ZNF143: variants seen among roughly 807,000 people sequenced by gnomAD.
ZNF143 encodes SPH-binding factor.
Under a neutral mutation model 74.1 loss-of-function variants are expected in ZNF143, and 49 were observed. The observed-to-expected ratio is 0.66, with a 90% CI of 0.53 to 0.84. ZNF143 has a LOEUF of 0.84. ZNF143 is among the 40% of genes least tolerant of loss of function. ZNF143 has a pLI of 0.00. For synonymous variants in ZNF143, 304 were observed against 282.8 expected, an observed-to-expected ratio of 1.07 and a Z score of -0.75; for missense variants, 637 against 793.4, an observed-to-expected ratio of 0.80 and a Z score of 2.37.
intron 7 of ZNF143, among the ~76,000 whole-genome samples, chr11:9,481,843 G>T (rs1475867110): frequency 1.4e-5 from 2 of 145,614 alleles, no homozygotes; most frequent in Non-Finnish European, 3.0e-5. Context: ...AGCCAAGATT[G>T]TGCCACTGCA....
Position 9,482,390 on chromosome 11 carries a change from C to T in ZNF143, c.645+2844C>T, listed in dbSNP as rs189085985. On this transcript the variant is annotated intron_variant, in intron 7 of 15. Coordinates refer to ENST00000396602, the MANE Select transcript of ZNF143 (RefSeq NM_003442.6). ...GGTTCACGCCATTCTCCTGCCTCAGCGTCTGGAGTAGCTGGGACTACAGGT... is the reference window on the plus strand; with the variant it reads ...GGTTCACGCCATTCTCCTGCCTCAGTGTCTGGAGTAGCTGGGACTACAGGT... Among the ~76,000 whole-genome samples the T allele has an allele frequency of 4.6e-4, 70 of 150,802 alleles. 1 individual carries two copies. Among genetic ancestry groups the T allele is most frequent in the Non-Finnish European group, 8.2e-4 (56 of 67,976 alleles).
chr11:9,498,119 C>A (rs144418728), intron 10 of ZNF143, among the ~76,000 whole-genome samples: 1 of 152,230 alleles, frequency 6.6e-6, no homozygotes, highest in Non-Finnish European at 1.5e-5. Context: ...CGTGAGCCAC[C>A]GCGCCCGGCC....
chr11:9,483,272 G>A (rs1312385490), intron 7 of ZNF143, among the ~76,000 whole-genome samples: 2 of 143,208 alleles, frequency 1.4e-5, no homozygotes, highest in African/African-American at 5.3e-5. Flanking sequence ...GGGATTACAG[G>A]TGTGAGCCAA....
At chr11:9,498,355 G>C (rs549701304) in intron 10 of ZNF143, among the ~76,000 whole-genome samples, 1 of 152,182 alleles carries the variant, frequency 6.6e-6, no homozygotes, top group Non-Finnish European at 1.5e-5. Context: ...AGCTCTCTCA[G>C]GTTTTAGTTG....
At chr11:9,496,262 T>C in intron 8 of ZNF143, 41 bp from the exon 9 acceptor site, 3 of 1,580,790 alleles carry the variant, frequency 1.9e-6, no homozygotes, top group Non-Finnish European at 2.6e-6. Flanking sequence ...TCCTGAGGAA[T>C]ACGTAAAGGA....
intron 12 of ZNF143, among the ~76,000 whole-genome samples, chr11:9,509,629 A>T (rs913547296): frequency 1.3e-5 from 2 of 152,234 alleles, no homozygotes; most frequent in African/African-American, 4.8e-5. Flanking sequence ...AACAACATAT[A>T]TTGAAGCATT....
chr11:9,518,042 C>A (rs916401992), intron 14 of ZNF143, among the ~76,000 whole-genome samples: 1 of 152,040 alleles, frequency 6.6e-6, no homozygotes, highest in Non-Finnish European at 1.5e-5. Context: ...CAAACTTCTA[C>A]AAATCAACAA....
intron 1 of ZNF143, among the ~76,000 whole-genome samples, chr11:9,464,922 C>CA (rs1173072808): frequency 7.1e-5 from 10 of 140,154 alleles, no homozygotes; most frequent in South Asian, 4.5e-4. Context: ...GACTCTGTCT[C>CA]AAAAAAAAAA....
intron 11 of ZNF143, 150 bp from the exon 12 acceptor site, chr11:9,508,469 A>C (rs1176231884): frequency 2.9e-6 from 2 of 680,826 alleles, no homozygotes; most frequent in Non-Finnish European, 4.9e-6. Context: ...ATAGTTAGGG[A>C]ATCTTTTCTT....
chr11:9,472,419 A>G (rs1026395737), intron 2 of ZNF143, among the ~76,000 whole-genome samples: 1 of 151,880 alleles, frequency 6.6e-6, no homozygotes, highest in African/African-American at 2.4e-5. Context: ...GCGCCCGACT[A>G]ATTTTTATAT....
rs1231862852 is a variant in ZNF143, at chr11:9,512,584, T to C, written c.1512T>C (p.Asp504=). ...AACAAGTTACACTCATATCCCAGGATGGGACTCAGCATGTAAGTATCCACC... is the reference window on the plus strand; with the variant it reads ...AACAAGTTACACTCATATCCCAGGACGGGACTCAGCATGTAAGTATCCACC... ...LSQQVTLISQ[D]GTQHVNISQA... The change falls in exon 13 of 16, where the codon GAT becomes GAC. Residue 504 remains aspartate (D), a synonymous_variant. Coordinates refer to ENST00000396602, the MANE Select transcript of ZNF143 (RefSeq NM_003442.6). The C allele has an allele frequency of 6.2e-7, 1 of 1,614,210 alleles. No individual in the cohort carries two copies. Among genetic ancestry groups the C allele is most frequent in the Non-Finnish European group, 8.5e-7 (1 of 1,180,044 alleles).
chr11:9,489,180 G>A (rs1847675232), intron 7 of ZNF143, among the ~76,000 whole-genome samples: 1 of 152,136 alleles, frequency 6.6e-6, no homozygotes, highest in South Asian at 2.1e-4. Flanking sequence ...ACTGTACTTT[G>A]TGAGAATGCC....
At chr11:9,484,799 G>GT (rs1316309780) in intron 7 of ZNF143, among the ~76,000 whole-genome samples, 1 of 24,240 alleles carries the variant, frequency 4.1e-5, no homozygotes. Context: ...CCTGGCCAAA[G>GT]ATTTTTTTTT....
intron 13 of ZNF143, among the ~76,000 whole-genome samples, chr11:9,515,185 CATA>C (rs1022660704): frequency 3.3e-5 from 5 of 152,028 alleles, no homozygotes; most frequent in Admixed American, 1.3e-4. Context: ...CAGCAGAGAG[CATA>C]ATAAGATTTT....
intron 14 of ZNF143, among the ~76,000 whole-genome samples, chr11:9,519,553 T>C (rs1848840280): frequency 6.6e-6 from 1 of 152,244 alleles, no homozygotes; most frequent in African/African-American, 2.4e-5. Flanking sequence ...ATTGTTGGCA[T>C]GTAATAACAG....
At chr11:9,469,927 A>C (rs10840245) in intron 1 of ZNF143, among the ~76,000 whole-genome samples, 1 of 152,092 alleles carries the variant, frequency 6.6e-6, no homozygotes, top group Admixed American at 6.5e-5. Context: ...ATGAAGGTAC[A>C]GTTTATAGTA....
chr11:9,484,393 A>C (rs1308953387), intron 7 of ZNF143, among the ~76,000 whole-genome samples: 1 of 150,892 alleles, frequency 6.6e-6, no homozygotes, highest in Non-Finnish European at 1.5e-5. Flanking sequence ...AATATTTAAA[A>C]AAATGTTTTT....
intron 13 of ZNF143, among the ~76,000 whole-genome samples, chr11:9,514,703 A>T (rs1444564556): frequency 1.3e-5 from 2 of 152,264 alleles, no homozygotes; most frequent in Non-Finnish European, 2.9e-5. Flanking sequence ...TAAAAATACA[A>T]GAGAATATGA....
At chr11:9,491,620 AGAGT>A (rs1847780676) in intron 7 of ZNF143, among the ~76,000 whole-genome samples, 1 of 151,816 alleles carries the variant, frequency 6.6e-6, no homozygotes, top group Non-Finnish European at 1.5e-5. Flanking sequence ...CCTGGGGAAC[AGAGT>A]GAGACTCCGT....
Sources: gnomAD v4.1 joint callset for allele counts (sites outside exome capture counted in the v4.1 genomes callset) on GRCh38, gnomAD v4.1.1 for gene constraint, MANE v1.5 for transcripts, NCBI Gene and HGNC (gene_info 2026-07-23, HGNC 2026-07-21) for gene names.